The following SUGCT variants were observed in gnomAD, a reference collection of about 807,000 sequenced individuals.
SUGCT encodes the protein succinyl-CoA:glutarate-CoA transferase, also known as succinyl-CoA:glutarate CoA-transferase.
SUGCT carries 41 observed loss-of-function variants against 55.0 expected under a neutral mutation model. That is an observed-to-expected ratio of 0.74 (90% CI 0.58 to 0.97). The LOEUF is 0.97. Among genes scored for constraint, SUGCT ranks in the 50% least tolerant of loss-of-function variants. The pLI, the probability that SUGCT is intolerant of heterozygous loss-of-function variation, is 0.00. For synonymous variants in SUGCT, 187 were observed against 200.4 expected, an observed-to-expected ratio of 0.93 and a Z score of 0.56; for missense variants, 568 against 547.8, an observed-to-expected ratio of 1.04 and a Z score of -0.37.
chr7:40,870,444 C>G, the SUGCT span, among the ~76,000 whole-genome samples: 6,514 of 152,192 alleles, frequency 0.043, 223 homozygotes, highest in African/African-American at 0.093. Context: ...TGTAAGCAAA[C>G]TTGTGGCTCT....
the SUGCT span, among the ~76,000 whole-genome samples, chr7:40,892,681 G>C: frequency 6.6e-6 from 1 of 152,104 alleles, no homozygotes; most frequent in Non-Finnish European, 1.5e-5. Flanking sequence ...CAGCAGGTGT[G>C]CACCACCACA....
chr7:40,965,937 A>G, the SUGCT span: 1 of 152,250 alleles, frequency 6.6e-6, no homozygotes, highest in South Asian at 2.1e-4. Context: ...GTAATGGCCT[A>G]GTTTCAAATA....
the SUGCT span, among the ~76,000 whole-genome samples, chr7:40,898,851 T>C: frequency 1.3e-5 from 2 of 152,116 alleles, no homozygotes; most frequent in Non-Finnish European, 2.9e-5. Flanking sequence ...GTGATTCATG[T>C]GATCAAAGTG....
chr7:41,027,923 A>G, the SUGCT span, among the ~76,000 whole-genome samples: 1 of 152,204 alleles, frequency 6.6e-6, no homozygotes, highest in African/African-American at 2.4e-5. Context: ...AGCAGACGCC[A>G]TACCTTCTGC....
chr7:40,907,138 TGTGAGA>T, the SUGCT span, among the ~76,000 whole-genome samples: 1,048 of 35,348 alleles, frequency 0.03, 9 homozygotes, highest in African/African-American at 0.065. Context: ...TGTGTGTGTG[TGTGAGA>T]GAGAGAGAGA....
intron 12 of SUGCT, among the ~76,000 whole-genome samples, chr7:40,662,859 G>T (rs183815541): frequency 6.6e-6 from 1 of 152,166 alleles, no homozygotes; most frequent in African/African-American, 2.4e-5. Context: ...TAAGCTCCTT[G>T]AAGACAAATC....
chr7:40,175,335 T>G (rs1343767888), intron 1 of SUGCT, among the ~76,000 whole-genome samples: 1 of 152,014 alleles, frequency 6.6e-6, no homozygotes, highest in Non-Finnish European at 1.5e-5. Context: ...TTCTCCTGCC[T>G]CAGCCCCCCT....
chr7:40,732,648 C>T (rs1786955000), intron 12 of SUGCT, among the ~76,000 whole-genome samples: 1 of 152,132 alleles, frequency 6.6e-6, no homozygotes, highest in African/African-American at 2.4e-5. Flanking sequence ...GAAGACACAC[C>T]ACACAGCTGG....
intron 6 of SUGCT, among the ~76,000 whole-genome samples, chr7:40,205,075 G>A (rs561241614): frequency 6.6e-5 from 10 of 151,954 alleles, no homozygotes; most frequent in South Asian, 4.2e-4. Flanking sequence ...CCAACATGGC[G>A]AAACCCCGTC....
At chr7:40,947,094 T>C in the SUGCT span, among the ~76,000 whole-genome samples, 1 of 152,338 alleles carries the variant, frequency 6.6e-6, no homozygotes, top group South Asian at 2.1e-4. Context: ...GTTATACATA[T>C]GTTGGTATGC....
intron 6 of SUGCT, among the ~76,000 whole-genome samples, chr7:40,234,715 C>T (rs1348527265): frequency 6.6e-6 from 1 of 151,922 alleles, no homozygotes; most frequent in African/African-American, 2.4e-5. Context: ...TCAAAACCAG[C>T]CTGGGCAACA....
chr7:40,514,956 G>A (rs1793154579), intron 12 of SUGCT, among the ~76,000 whole-genome samples: 1 of 152,148 alleles, frequency 6.6e-6, no homozygotes, highest in Admixed American at 6.5e-5. Flanking sequence ...AGAATATCCT[G>A]AAAGTGGTTA....
At chr7:40,221,494 CTT>C (rs1452847552) in intron 6 of SUGCT, among the ~76,000 whole-genome samples, 8 of 130,584 alleles carry the variant, frequency 6.1e-5, no homozygotes, top group Admixed American at 7.8e-5. Context: ...TGTTATTGGT[CTT>C]TTTTTTTTTT....
the SUGCT span, among the ~76,000 whole-genome samples, chr7:40,901,043 G>A: frequency 6.6e-6 from 1 of 152,174 alleles, no homozygotes; most frequent in Non-Finnish European, 1.5e-5. Context: ...GTGAGGTAGT[G>A]TTTCCCAACT....
chr7:40,889,124 G>A, the SUGCT span, among the ~76,000 whole-genome samples: 1 of 152,246 alleles, frequency 6.6e-6, no homozygotes, highest in Admixed American at 6.5e-5. Flanking sequence ...CAGGAGTTAA[G>A]CTGTGCCTTG....
At chr7:40,530,036 T>G (rs1327791061) in intron 12 of SUGCT, among the ~76,000 whole-genome samples, 1 of 152,180 alleles carries the variant, frequency 6.6e-6, no homozygotes, top group Non-Finnish European at 1.5e-5. Flanking sequence ...CCAATTTTTT[T>G]GCCTTTAAAT....
chr7:40,142,312 C>G (rs1036125215), intron 1 of SUGCT, among the ~76,000 whole-genome samples: 1 of 152,194 alleles, frequency 6.6e-6, no homozygotes, highest in East Asian at 1.9e-4. Context: ...CAAACTGATT[C>G]TTTGAAGAGA....
intron 7 of SUGCT, among the ~76,000 whole-genome samples, chr7:40,249,683 G>T (rs1435508062): frequency 1.3e-5 from 2 of 152,046 alleles, no homozygotes; most frequent in Admixed American, 1.3e-4. Flanking sequence ...TTTCTAACAT[G>T]ACACTGCTTA....
At chr7:40,245,616 T>G (rs890338045) in intron 7 of SUGCT, among the ~76,000 whole-genome samples, 16 of 149,206 alleles carry the variant, frequency 1.1e-4, no homozygotes, top group Non-Finnish European at 1.9e-4. Context: ...ATTTTTTGTA[T>G]TTTTAGTAGA....
Sources: gnomAD v4.1 joint callset for allele counts (sites outside exome capture counted in the v4.1 genomes callset) on GRCh38, gnomAD v4.1.1 for gene constraint, MANE v1.5 for transcripts, NCBI Gene and HGNC (gene_info 2026-07-23, HGNC 2026-07-21) for gene names.